Variants in LAMP5 observed in about 807,000 individuals in gnomAD.
LAMP5 encodes the protein lysosome-associated membrane glycoprotein 5.
LAMP5 carries 36 observed loss-of-function variants against 30.2 expected under a neutral mutation model. That is an observed-to-expected ratio of 1.19 (90% CI 0.91 to 1.57). LAMP5 has a LOEUF of 1.57. LAMP5 is among the 40% of genes most tolerant of loss of function. The pLI is 0.00. For missense variants in LAMP5, 377 were observed against 354.9 expected (o/e 1.06, Z -0.50); for synonymous variants, 149 against 134.6 (o/e 1.11, Z -0.74).
chr20:9,514,813 C>T lies in LAMP5; in HGVS notation c.-40C>T. 1.2e-6 allele frequency: 2 copies of T among 1,607,334 alleles called. No individual in the cohort carries two copies. The highest frequency in any genetic ancestry group is 1.1e-5 in the South Asian group (1 of 90,834). On this transcript the variant is annotated 5_prime_UTR_variant, in exon 1 of 6. Coordinates refer to ENST00000246070, the MANE Select transcript of LAMP5 (RefSeq NM_012261.4). Reference sequence around the variant, plus strand: ...TGAGGGATTCCCTCTCTGGCGGCCTCTGCAGCAGCACAGCCGGCCTCATTC... The same window carrying T: ...TGAGGGATTCCCTCTCTGGCGGCCTTTGCAGCAGCACAGCCGGCCTCATTC...
At chr20:9,519,766 C>T (rs1863335196) in intron 5 of LAMP5, among the ~76,000 whole-genome samples, 1 of 152,192 alleles carries the variant, frequency 6.6e-6, no homozygotes. Flanking sequence ...TATATGGGTA[C>T]TCTTAATAGT....
intron 5 of LAMP5, among the ~76,000 whole-genome samples, chr20:9,526,719 G>A (rs1361018837): frequency 1.3e-5 from 2 of 151,832 alleles, no homozygotes; most frequent in East Asian, 3.9e-4. Context: ...TAAGAAGAAA[G>A]GCTCAGTTTA....
At chr20:9,520,804 T>C (rs1265356919) in intron 5 of LAMP5, among the ~76,000 whole-genome samples, 1 of 152,134 alleles carries the variant, frequency 6.6e-6, no homozygotes, top group East Asian at 1.9e-4. Context: ...GCAGCCCAAA[T>C]GGAGGTTGAC....
intron 5 of LAMP5, among the ~76,000 whole-genome samples, chr20:9,526,312 G>A (rs1029367307): frequency 1.3e-5 from 2 of 152,048 alleles, no homozygotes; most frequent in African/African-American, 4.8e-5. Flanking sequence ...ATTGTATTAA[G>A]TAAGAAAAAA....
rs1476510349 is a variant in LAMP5 at position 9,526,604 on chromosome 20, G to A, written c.665-3038G>A. On this transcript the variant is annotated intron_variant, in intron 5 of 5. Coordinates refer to ENST00000246070, the MANE Select transcript of LAMP5 (RefSeq NM_012261.4). ...AGGTCCTGTCCCTGGAGCAATGGAT[G>A]TATTGATCCAGGCTGACCTTCAAAG... is the stretch of plus-strand genomic sequence containing the variant. Among the ~76,000 whole-genome samples, 5 of 152,214 alleles carry A rather than the reference G, an allele frequency of 3.3e-5. No homozygotes were observed. In the East Asian group the frequency reaches 7.7e-4, roughly 24 times the overall value.
intron 5 of LAMP5, among the ~76,000 whole-genome samples, chr20:9,526,868 A>G (rs1315957505): frequency 0.022 from 1,723 of 78,930 alleles, 42 homozygotes; most frequent in African/African-American, 0.083. Context: ...GTGTATATAT[A>G]TATATATATA....
At chr20:9,525,238 T>C (rs147810943) in intron 5 of LAMP5, among the ~76,000 whole-genome samples, 1 of 152,312 alleles carries the variant, frequency 6.6e-6, no homozygotes, top group African/African-American at 2.4e-5. Context: ...TTAGAAATAA[T>C]ACTTTTGGTA....
At chr20:9,516,941 G>A (rs1603168346) in intron 4 of LAMP5, among the ~76,000 whole-genome samples, 1 of 152,024 alleles carries the variant, frequency 6.6e-6, no homozygotes, top group East Asian at 1.9e-4. Context: ...GATCCTCCTC[G>A]GCAAAACGAG....
At chr20:9,515,319 G>C in intron 1 of LAMP5, 134 bp from the exon 2 acceptor site, 3 of 709,632 alleles carry the variant, frequency 4.2e-6, no homozygotes, top group Non-Finnish European at 6.8e-6. Context: ...TTAGAGAAAC[G>C]GCTCGTAGAG....
intron 5 of LAMP5, among the ~76,000 whole-genome samples, chr20:9,526,415 A>G (rs1299903392): frequency 2.0e-5 from 3 of 152,214 alleles, no homozygotes; most frequent in African/African-American, 4.8e-5. Flanking sequence ...CATGAGGAAA[A>G]TAAATAACCT....
rs2232258 is a variant in LAMP5 at position 9,514,828 on chromosome 20, C to T, written c.-25C>T. The T allele has an allele frequency of 8.6e-3, 13,791 of 1,612,790 alleles. 80 individuals carry two copies. Among genetic ancestry groups the T allele is most frequent in the Non-Finnish European group, 0.011 (12,382 of 1,178,982 alleles). On this transcript the variant is annotated 5_prime_UTR_variant, in exon 1 of 6. Transcript: ENST00000246070. ...CTGGCGGCCTCTGCAGCAGCACAGCCGGCCTCATTCGGGGCACTGCGAGTA... is the reference window on the plus strand; with the variant it reads ...CTGGCGGCCTCTGCAGCAGCACAGCTGGCCTCATTCGGGGCACTGCGAGTA...
intron 5 of LAMP5, among the ~76,000 whole-genome samples, chr20:9,524,613 A>AAAC (rs1555891702): frequency 6.2e-4 from 91 of 146,420 alleles, no homozygotes; most frequent in African/African-American, 2.0e-3. Context: ...AAAAAAAAAA[A>AAAC]AAACAAACAA....
chr20:9,517,046 C>T (rs1318846000), intron 4 of LAMP5, among the ~76,000 whole-genome samples: 1 of 152,206 alleles, frequency 6.6e-6, no homozygotes, highest in African/African-American at 2.4e-5. Flanking sequence ...CTATTTCACT[C>T]ATAATGAGGC....
chr20:9,525,941 C>A (rs1178203174), intron 5 of LAMP5, among the ~76,000 whole-genome samples: 3 of 152,184 alleles, frequency 2.0e-5, no homozygotes. Flanking sequence ...GGGCTTCTGG[C>A]TGATTGTTTG....
At chr20:9,517,081 TG>T (rs1442306500) in intron 4 of LAMP5, among the ~76,000 whole-genome samples, 1 of 152,232 alleles carries the variant, frequency 6.6e-6, no homozygotes, top group African/African-American at 2.4e-5. Context: ...GCACCTGAGT[TG>T]GGAAAGGATT....
intron 5 of LAMP5, among the ~76,000 whole-genome samples, chr20:9,526,348 G>C (rs1008805393): frequency 2.0e-5 from 3 of 152,198 alleles, no homozygotes; most frequent in African/African-American, 4.8e-5. Flanking sequence ...ACTAGCGCCT[G>C]CAAACCAATC....
At chr20:9,515,768 C>T in intron 2 of LAMP5, 143 bp downstream of exon 2, 1 of 1,022,206 alleles carries the variant, frequency 9.8e-7, no homozygotes, top group Non-Finnish European at 1.4e-6. Flanking sequence ...CATGGGGATT[C>T]CAGCTTGTAA....
At position 9,518,113 on chromosome 20, in the gene LAMP5, A is replaced by G. The variant is rs1189336908; in HGVS notation, c.549A>G (p.Gln183=). Residue 183 remains glutamine, a synonymous_variant, in exon 5 of 6, where the codon CAA becomes CAG. Coordinates refer to ENST00000246070, the MANE Select transcript of LAMP5 (RefSeq NM_012261.4). ...VTPAGKSYEC[Q]AQQTISLASS... is the part of the protein sequence containing the mutation. ...CCGCTGGGAAGTCCTATGAGTGTCA[A>G]GCTCAACAAACCATTTCACTGGCCT... is the stretch of plus-strand genomic sequence containing the variant. 4 of 1,614,090 alleles carry G rather than the reference A, an allele frequency of 2.5e-6. No individual in the cohort carries two copies. The highest frequency in any genetic ancestry group is 3.4e-6 in the Non-Finnish European group (4 of 1,180,030).
chr20:9,529,971 G>A lies in LAMP5; in HGVS notation c.*151G>A. The A allele has an allele frequency of 1.5e-6, 1 of 688,226 alleles. No homozygotes were observed. The highest frequency in any genetic ancestry group is 2.7e-5 in the East Asian group (1 of 36,594). 42.6% of individuals were successfully genotyped at this position (688,226 alleles called of 1,614,324 possible). Reference sequence around the variant, plus strand: ...TGAGGCTTGCTTGGCTTGTGTCCATGCTTAAACCCACGGAAGGGGGAGACT... The same window carrying A: ...TGAGGCTTGCTTGGCTTGTGTCCATACTTAAACCCACGGAAGGGGGAGACT... On this transcript the variant is annotated 3_prime_UTR_variant, in exon 6 of 6. Transcript: ENST00000246070.
Sources: allele counts gnomAD v4.1 joint callset (sites outside exome capture counted in the v4.1 genomes callset), GRCh38; gene constraint gnomAD v4.1.1; transcripts MANE v1.5; gene names NCBI Gene and HGNC (gene_info 2026-07-23, HGNC 2026-07-21).